Variants in ARHGAP26 observed in about 807,000 individuals in gnomAD.
ARHGAP26 encodes Rho GTPase activating protein 26.
In ARHGAP26, 38 loss-of-function variants were observed where a neutral mutation model predicts 104.8. The ratio of observed to expected loss-of-function variants is 0.36; its 90% CI spans 0.28 to 0.48. ARHGAP26 has a LOEUF of 0.48. Ranked by LOEUF, ARHGAP26 falls within the 20% of genes least tolerant of loss-of-function variation. ARHGAP26 has a pLI of 0.99. For missense variants in ARHGAP26, 704 were observed against 947.9 expected, an observed-to-expected ratio of 0.74 and a Z score of 3.38; for synonymous variants, 341 against 340.0, an observed-to-expected ratio of 1.00 and a Z score of -0.03.
At chr5:142,796,054 C>CTGTGTGTGTGTGTGTG (rs71890315) in intron 1 of ARHGAP26, among the ~76,000 whole-genome samples, 2 of 144,150 alleles carry the variant, frequency 1.4e-5, no homozygotes, top group Admixed American at 6.9e-5. Context: ...AGGTGTTTTT[C>CTGTGTGTGTGTGTGTG]TGTGTGTGTG....
intron 1 of ARHGAP26, among the ~76,000 whole-genome samples, chr5:142,855,558 C>T (rs991610166): frequency 4.6e-5 from 7 of 152,198 alleles, no homozygotes; most frequent in African/African-American, 1.7e-4. Context: ...TCTCTCTGTC[C>T]AACCATCTGT....
chr5:142,814,644 T>A (rs887290756), intron 1 of ARHGAP26, among the ~76,000 whole-genome samples: 1 of 152,194 alleles, frequency 6.6e-6, no homozygotes, highest in East Asian at 1.9e-4. Context: ...GTAGCTAGCT[T>A]GTGAGGCAGT....
chr5:143,035,266 A>G (rs998383729), intron 12 of ARHGAP26, among the ~76,000 whole-genome samples: 2 of 152,250 alleles, frequency 1.3e-5, no homozygotes, highest in African/African-American at 4.8e-5. Context: ...ACAATTCACA[A>G]TTGCAGAAAC....
At chr5:142,936,194 A>G (rs1765400020) in intron 11 of ARHGAP26, among the ~76,000 whole-genome samples, 1 of 152,060 alleles carries the variant, frequency 6.6e-6, no homozygotes, top group Admixed American at 6.6e-5. Flanking sequence ...AGGATACAAG[A>G]TAGACATATG....
intron 20 of ARHGAP26, among the ~76,000 whole-genome samples, chr5:143,160,473 T>TG (rs1554255897): frequency 6.0e-5 from 3 of 49,982 alleles, no homozygotes; most frequent in African/African-American, 4.8e-4. Context: ...TTGCTTTTGG[T>TG]GGTTTTTTTT....
rs1370055370 is a variant in ARHGAP26 at position 142,770,570 on chromosome 5, C to T, written c.-192C>T. On this transcript the variant is annotated 5_prime_UTR_variant, in exon 1 of 23. Coordinates refer to ENST00000645722, the MANE Select transcript of ARHGAP26 (RefSeq NM_001135608.3). ...GCCCGCGCCCGGAACAGCAGCACCT[C>T]GGCCGGGTCCGAGCTCGGTTCGGGA... 1.2e-5 allele frequency: 3 copies of T among 240,386 alleles called. No individual in the cohort carries two copies. The highest frequency in any genetic ancestry group is 6.2e-5 in the Admixed American group (1 of 16,184). 14.9% of individuals were successfully genotyped at this position (240,386 alleles called of 1,614,324 possible).
intron 11 of ARHGAP26, among the ~76,000 whole-genome samples, chr5:142,965,199 C>T (rs1029417745): frequency 2.0e-5 from 3 of 152,142 alleles, no homozygotes; most frequent in Non-Finnish European, 2.9e-5. Context: ...AACATGAAGG[C>T]GGACTAGGGG....
At chr5:143,217,792 A>C (rs1810564130) in intron 22 of ARHGAP26, among the ~76,000 whole-genome samples, 1 of 152,180 alleles carries the variant, frequency 6.6e-6, no homozygotes. Flanking sequence ...CGCCTGACAC[A>C]TCTTGTCACT....
At chr5:142,842,599 G>C (rs1310894376) in intron 1 of ARHGAP26, among the ~76,000 whole-genome samples, 1 of 152,186 alleles carries the variant, frequency 6.6e-6, no homozygotes, top group Non-Finnish European at 1.5e-5. Context: ...AGGTCCCACA[G>C]GTGAAACCCA....
chr5:142,906,290 G>A (rs569390914), intron 8 of ARHGAP26, among the ~76,000 whole-genome samples: 4 of 152,232 alleles, frequency 2.6e-5, no homozygotes, highest in Non-Finnish European at 5.9e-5. Context: ...GCAATCTGAA[G>A]GTAACACCTT....
At chr5:142,815,741 C>T (rs981025292) in intron 1 of ARHGAP26, among the ~76,000 whole-genome samples, 2 of 152,144 alleles carry the variant, frequency 1.3e-5, no homozygotes, top group African/African-American at 4.8e-5. Context: ...CAGACTCATT[C>T]GAGCCTCACT....
At chr5:142,947,892 C>T (rs774748609) in intron 11 of ARHGAP26, among the ~76,000 whole-genome samples, 44 of 152,094 alleles carry the variant, frequency 2.9e-4, no homozygotes, top group Admixed American at 2.4e-3. Flanking sequence ...CAGTGGTGTA[C>T]GCCTGGAATC....
At chr5:143,141,797 C>T (rs1161064492) in intron 19 of ARHGAP26, among the ~76,000 whole-genome samples, 1 of 152,184 alleles carries the variant, frequency 6.6e-6, no homozygotes, top group Non-Finnish European at 1.5e-5. Context: ...GATCATTCAA[C>T]CCCCTAGTCA....
intron 20 of ARHGAP26, among the ~76,000 whole-genome samples, chr5:143,187,354 T>C (rs901965395): frequency 6.6e-6 from 1 of 152,222 alleles, no homozygotes; most frequent in African/African-American, 2.4e-5. Flanking sequence ...CATGAAACTA[T>C]TGAGAAGCTT....
chr5:143,136,217 G>T (rs555546305), intron 19 of ARHGAP26, among the ~76,000 whole-genome samples: 6 of 152,230 alleles, frequency 3.9e-5, no homozygotes, highest in Admixed American at 2.0e-4. Context: ...GAGAAAATCA[G>T]CTAGATCTTT....
chr5:142,959,203 A>G (rs1183372847), intron 11 of ARHGAP26, among the ~76,000 whole-genome samples: 1 of 152,238 alleles, frequency 6.6e-6, no homozygotes, highest in Non-Finnish European at 1.5e-5. Flanking sequence ...ATTTGTACAG[A>G]TGATAGAACA....
At chr5:143,214,244 G>T (rs1809982885) in intron 22 of ARHGAP26, among the ~76,000 whole-genome samples, 156 bp downstream of exon 22, 1 of 152,156 alleles carries the variant, frequency 6.6e-6, no homozygotes, top group Non-Finnish European at 1.5e-5. Flanking sequence ...TGGTTTCTGT[G>T]TCTTTTCCCA....
At chr5:142,829,846 T>C (rs1768044373) in intron 1 of ARHGAP26, among the ~76,000 whole-genome samples, 1 of 152,192 alleles carries the variant, frequency 6.6e-6, no homozygotes, top group Admixed American at 6.5e-5. Flanking sequence ...ATGGTGTCAT[T>C]CTCAGCATGC....
chr5:142,907,839 C>T lies in ARHGAP26; in HGVS notation c.933+35C>T, dbSNP rs372817847. 7 of 1,470,484 alleles carry T rather than the reference C, an allele frequency of 4.8e-6. No individual in the cohort carries two copies. The African/African-American group carries it at 8.3e-5, about 18-fold the overall frequency. 91.1% of individuals were successfully genotyped at this position (1,470,484 alleles called of 1,614,324 possible). On this transcript the variant is annotated intron_variant, in intron 9 of 22. Transcript: ENST00000645722. ...TTTTTAAAATTTGATGTTTGATTTG[C>T]TTGGCTAACATATAATGATTATAAT... is the stretch of plus-strand genomic sequence containing the variant.
Sources: allele counts gnomAD v4.1 joint callset (sites outside exome capture counted in the v4.1 genomes callset), GRCh38; gene constraint gnomAD v4.1.1; transcripts MANE v1.5; gene names NCBI Gene and HGNC (gene_info 2026-07-23, HGNC 2026-07-21).